The following ZNF469 variants were observed in gnomAD, a reference collection of about 807,000 sequenced individuals.
The protein encoded by ZNF469 is zinc finger protein 469.
In ZNF469, 1 loss-of-function variant was observed where a neutral mutation model predicts 1.0. That is an observed-to-expected ratio of 1.00 (90% confidence interval 0.35 to 4.73). The LOEUF (loss-of-function observed/expected upper bound fraction) is 4.73, where lower values mean the gene tolerates loss of function less well. Among genes scored for constraint, ZNF469 ranks in the 30% most tolerant of loss-of-function variants. The pLI, the probability that ZNF469 is intolerant of heterozygous loss-of-function variation, is 0.16. For missense variants in ZNF469, 6,100 were observed against 5,356.3 expected (o/e 1.14, Z -4.33); for synonymous variants, 2,703 against 2,363.4 (o/e 1.14, Z -4.17).
At chr16:88,174,851 C>T in the ZNF469 span, among the ~76,000 whole-genome samples, 2 of 152,192 alleles carry the variant, frequency 1.3e-5, no homozygotes, top group African/African-American at 2.4e-5. Context: ...GTAGGCTATT[C>T]GTAGTTTCTG....
At chr16:88,382,053 T>TC (rs1467098883), upstream of ZNF469, among the ~76,000 whole-genome samples, 9 of 152,118 alleles carry the variant, frequency 5.9e-5, no homozygotes, top group South Asian at 4.2e-4. Context: ...TTCTGCGAAG[T>TC]CCCCCCACTG....
the ZNF469 span, among the ~76,000 whole-genome samples, chr16:88,282,332 CAA>C: frequency 6.6e-6 from 1 of 152,128 alleles, no homozygotes; most frequent in Admixed American, 6.6e-5. Context: ...GGGTTTATGT[CAA>C]AAGTCAGCCC....
At chr16:88,418,646 G>A (rs1905368525) in intron 1 of ZNF469, among the ~76,000 whole-genome samples, 1 of 146,286 alleles carries the variant, frequency 6.8e-6, no homozygotes, top group Non-Finnish European at 1.5e-5. Context: ...TAGGCACCCC[G>A]ATAAGACAGG....
At chr16:88,285,995 G>A in the ZNF469 span, among the ~76,000 whole-genome samples, 624 of 152,316 alleles carry the variant, frequency 4.1e-3, 5 homozygotes, top group Admixed American at 6.5e-3. Context: ...CCCACAGCCC[G>A]GAGCATCGCC....
chr16:88,227,166 C>A, the ZNF469 span, among the ~76,000 whole-genome samples: 1 of 152,238 alleles, frequency 6.6e-6, no homozygotes, highest in Non-Finnish European at 1.5e-5. Context: ...GGGATCCCTG[C>A]GGCCAGAGCT....
At chr16:88,294,541 A>C in the ZNF469 span, among the ~76,000 whole-genome samples, 1 of 152,240 alleles carries the variant, frequency 6.6e-6, no homozygotes, top group African/African-American at 2.4e-5. Context: ...ACAACCCTGC[A>C]TTAAGAGCCA....
chr16:88,360,835 C>T, the ZNF469 span, among the ~76,000 whole-genome samples: 1 of 152,162 alleles, frequency 6.6e-6, no homozygotes, highest in East Asian at 1.9e-4. Flanking sequence ...CCACCCCTGC[C>T]CGACACCCCC....
chr16:88,364,966 AAAAT>A, the ZNF469 span, among the ~76,000 whole-genome samples: 4 of 152,226 alleles, frequency 2.6e-5, no homozygotes, highest in Admixed American at 2.0e-4. Flanking sequence ...CTCCATCTCA[AAAAT>A]AAATAAATAA....
the ZNF469 span, among the ~76,000 whole-genome samples, chr16:88,289,806 T>G: frequency 1.1e-3 from 172 of 152,314 alleles, no homozygotes; most frequent in Non-Finnish European, 2.1e-3. Context: ...TGGTAGGATT[T>G]ATGGACCAGA....
At chr16:88,300,331 A>C in the ZNF469 span, among the ~76,000 whole-genome samples, 4 of 151,982 alleles carry the variant, frequency 2.6e-5, no homozygotes, top group African/African-American at 9.7e-5. Context: ...CCAAGTTTAA[A>C]GTCAGCCTCC....
At chr16:88,346,269 C>T in the ZNF469 span, among the ~76,000 whole-genome samples, 1 of 152,212 alleles carries the variant, frequency 6.6e-6, no homozygotes. Flanking sequence ...GTCTCTGGCC[C>T]GTTCATCTCG....
At chr16:88,324,818 T>C in the ZNF469 span, among the ~76,000 whole-genome samples, 1 of 152,182 alleles carries the variant, frequency 6.6e-6, no homozygotes, top group Non-Finnish European at 1.5e-5. Flanking sequence ...AGGGGGCAGC[T>C]GGAGGAAGCT....
the ZNF469 span, among the ~76,000 whole-genome samples, chr16:88,119,377 G>C: frequency 0.011 from 1,609 of 152,338 alleles, 28 homozygotes; most frequent in African/African-American, 0.036. Context: ...TGTGGTGCAC[G>C]TGCGGGGCCC....
the ZNF469 span, among the ~76,000 whole-genome samples, chr16:88,275,324 A>G: frequency 6.6e-6 from 1 of 152,226 alleles, no homozygotes; most frequent in South Asian, 2.1e-4. Flanking sequence ...GGTGCTCTGC[A>G]CTTTTACATG....
chr16:88,186,952 C>T, the ZNF469 span, among the ~76,000 whole-genome samples: 1 of 152,046 alleles, frequency 6.6e-6, no homozygotes, highest in African/African-American at 2.4e-5. Context: ...ACACCCTGCC[C>T]CCCACTGCAG....
chr16:88,320,985 C>T, the ZNF469 span, among the ~76,000 whole-genome samples: 5 of 152,308 alleles, frequency 3.3e-5, no homozygotes, highest in South Asian at 2.1e-4. Flanking sequence ...GATGAACAGG[C>T]GAATGAGACA....
chr16:88,145,088 G>C, the ZNF469 span, among the ~76,000 whole-genome samples: 1 of 151,604 alleles, frequency 6.6e-6, no homozygotes, highest in African/African-American at 2.4e-5. Context: ...GACCTCAAGT[G>C]ATCCGCCCAC....
the ZNF469 span, among the ~76,000 whole-genome samples, chr16:88,261,923 C>T: frequency 6.6e-6 from 1 of 152,152 alleles, no homozygotes; most frequent in African/African-American, 2.4e-5. This position sits in a 1 kb window ranked among gnomAD's most constrained non-coding sequence, Gnocchi z 6.0. Flanking sequence ...CCAAGGAAGG[C>T]CTCACACCCC....
chr16:88,265,251 C>T, the ZNF469 span, among the ~76,000 whole-genome samples: 7 of 152,342 alleles, frequency 4.6e-5, no homozygotes, highest in East Asian at 1.9e-4. Flanking sequence ...TTCACCCGGT[C>T]GGCTCTCACT....
Sources: gnomAD v4.1 joint callset for allele counts (sites outside exome capture counted in the v4.1 genomes callset) on GRCh38, gnomAD v4.1.1 for gene constraint, Gnocchi (gnomAD v3.1) non-coding constraint, MANE v1.5 for transcripts, NCBI Gene and HGNC (gene_info 2026-07-23, HGNC 2026-07-21) for gene names.